COL17A1: variants seen among roughly 807,000 people sequenced by gnomAD.
COL17A1 encodes the protein collagen alpha-1(XVII) chain.
Under a neutral mutation model 218.4 loss-of-function variants are expected in COL17A1, and 181 were observed. That is an observed-to-expected ratio of 0.83 (90% CI 0.73 to 0.94). The LOEUF is 0.94. Ranked by LOEUF, COL17A1 falls within the 40% of genes least tolerant of loss-of-function variation. COL17A1 has a pLI of 0.00. For synonymous variants in COL17A1, 721 were observed against 731.0 expected, an observed-to-expected ratio of 0.99 and a Z score of 0.22; for missense variants, 1,924 against 1,945.9, an observed-to-expected ratio of 0.99 and a Z score of 0.21.
intron 39 of COL17A1, 81 bp from the exon 40 acceptor site, chr10:104,040,491 G>T (rs2086347480): frequency 1.2e-6 from 1 of 848,854 alleles, no homozygotes; most frequent in East Asian, 2.7e-5. Context: ...TGACAACATA[G>T]ATGCTCAATC....
chr10:104,043,203 C>T (rs11818635), intron 35 of COL17A1, among the ~76,000 whole-genome samples: 1 of 152,144 alleles, frequency 6.6e-6, no homozygotes, highest in Non-Finnish European at 1.5e-5. Flanking sequence ...TGGGCCAAAT[C>T]CTTTGTCCTG....
intron 12 of COL17A1, 113 bp from the exon 13 acceptor site, chr10:104,061,586 G>A: frequency 3.6e-6 from 3 of 837,442 alleles, no homozygotes; most frequent in Non-Finnish European, 5.9e-6. Context: ...AGAAGCAGAT[G>A]ATGAATCAAC....
At chr10:104,075,767 G>A (rs2086704804) in intron 5 of COL17A1, among the ~76,000 whole-genome samples, 1 of 152,196 alleles carries the variant, frequency 6.6e-6, no homozygotes, top group African/African-American at 2.4e-5. Flanking sequence ...CTTAAGCCCT[G>A]GGCTCTCCTG....
At chr10:104,042,065 T>C (rs1241841099) in intron 36 of COL17A1, among the ~76,000 whole-genome samples, 1 of 152,122 alleles carries the variant, frequency 6.6e-6, no homozygotes, top group Non-Finnish European at 1.5e-5. Flanking sequence ...GGCCCGGCAG[T>C]CTCCACCTGG....
intron 50 of COL17A1, among the ~76,000 whole-genome samples, chr10:104,035,031 C>G (rs913796543): frequency 6.6e-6 from 1 of 152,190 alleles, no homozygotes. Context: ...GGTGGAGCCC[C>G]AGGTCGGCCC....
chr10:104,041,315 G>A lies in COL17A1; in HGVS notation c.2635C>T (p.Arg879Ter), dbSNP rs757548746. 8 of 1,609,384 alleles carry A rather than the reference G, an allele frequency of 5.0e-6. No individual in the cohort carries two copies. The highest frequency in any genetic ancestry group is 4.5e-5 in the East Asian group (2 of 44,816). ...GPSIPGPPGP[R>*]GPPGEGLPGP... is the part of the protein sequence containing the mutation. ...GCTCGGCTCTCACCTGGTGGGCCTC[G>A]GGGTCCTGGTGGGCCTGGAATGGAA... Residue 879 changes from arginine (R) to a stop codon, truncating the protein, a stop_gained, in exon 38 of 56, where the codon CGA (arginine) becomes TGA (stop). Transcript: ENST00000648076. LOFTEE classifies it high-confidence loss of function.
chr10:104,034,092 AG>A lies in COL17A1; in HGVS notation c.4008del (p.Tyr1337MetfsTer42). The part of the protein sequence containing the change: ...AFGEAAGDRG[P>X]YGTDIGPGGG... ...CCGCCTGGGCCGATGTCAGTGCCAT[AG>A]GGACCCCTGTCTCCTGCAGCTTCAC... On this transcript the variant is annotated frameshift_variant, in exon 52 of 56. Coordinates refer to ENST00000648076, the MANE Select transcript of COL17A1 (RefSeq NM_000494.4). LOFTEE classifies it high-confidence loss of function. 6.2e-7 allele frequency: 1 copy of A among 1,614,096 alleles called. No homozygotes were observed. The highest frequency in any genetic ancestry group is 8.5e-7 in the Non-Finnish European group (1 of 1,180,024).
At chr10:104,052,556 G>A (rs922170381) in intron 23 of COL17A1, among the ~76,000 whole-genome samples, 4 of 152,162 alleles carry the variant, frequency 2.6e-5, no homozygotes, top group African/African-American at 9.7e-5. Context: ...CCTGACAAAA[G>A]CAGTCTCATA....
At chr10:104,049,669 G>T (rs2086448186) in intron 28 of COL17A1, among the ~76,000 whole-genome samples, 198 bp from the exon 29 acceptor site, 2 of 152,206 alleles carry the variant, frequency 1.3e-5, no homozygotes, top group Admixed American at 6.5e-5. Flanking sequence ...GCATGTGCAT[G>T]AGTCTTATTT....
chr10:104,084,653 T>C (rs1441083849), intron 1 of COL17A1, among the ~76,000 whole-genome samples: 10 of 152,146 alleles, frequency 6.6e-5, no homozygotes, highest in Non-Finnish European at 1.5e-4. Context: ...ACTTTAATTG[T>C]TCCTGTGTAA....
At chr10:104,084,804 G>A (rs976949011) in intron 1 of COL17A1, among the ~76,000 whole-genome samples, 13 of 152,166 alleles carry the variant, frequency 8.5e-5, no homozygotes, top group Non-Finnish European at 1.5e-4. Flanking sequence ...CTCTAAGAGA[G>A]AACATATGGA....
chr10:104,070,254 C>A (rs911699833), intron 9 of COL17A1, among the ~76,000 whole-genome samples, 172 bp downstream of exon 9: 1 of 152,152 alleles, frequency 6.6e-6, no homozygotes, highest in Non-Finnish European at 1.5e-5. Flanking sequence ...ATATCTATGC[C>A]CTAAAACAGG....
At chr10:104,046,436 T>C (rs1439639526) in intron 32 of COL17A1, among the ~76,000 whole-genome samples, 1 of 152,028 alleles carries the variant, frequency 6.6e-6, no homozygotes, top group African/African-American at 2.4e-5. Flanking sequence ...GACTAACAGC[T>C]CTCCTGGCTA....
chr10:104,034,782 G>C lies in COL17A1; in HGVS notation c.3620-15C>G, dbSNP rs1564670210. 3 of 1,610,870 alleles carry C rather than the reference G, an allele frequency of 1.9e-6. No homozygotes were observed. Among genetic ancestry groups the C allele is most frequent in the Admixed American group, 1.7e-5 (1 of 59,814 alleles). On this transcript the variant is annotated splice_polypyrimidine_tract_variant and intron_variant, in intron 50 of 55. Transcript: ENST00000648076. Reference sequence around the variant, plus strand: ...CAAGCCGGCAGCTGGGCAGAAGGAAGAGAAAGAAAGGTCGGGGTAGTGCTG... The same window carrying C: ...CAAGCCGGCAGCTGGGCAGAAGGAACAGAAAGAAAGGTCGGGGTAGTGCTG...
At position 104,055,443 on chromosome 10, in the gene COL17A1, G is replaced by GTCTC. The variant is rs201385541; in HGVS notation, c.1688-43_1688-42insGAGA. 290 of 843,424 alleles carry GTCTC rather than the reference G, an allele frequency of 3.4e-4. 3 individuals are homozygous for GTCTC. Among genetic ancestry groups the GTCTC allele is most frequent in the African/African-American group, 1.8e-3 (60 of 33,162 alleles). 52.2% of individuals were successfully genotyped at this position (843,424 alleles called of 1,614,324 possible). ...ATCCTGAGTCAGCTTCACATCTCCT[G>GTCTC]TCACACACACACACACACACACACA... On this transcript the variant is annotated intron_variant, in intron 18 of 55. Transcript: ENST00000648076.
chr10:104,036,017 G>A (rs1268320085), intron 48 of COL17A1, among the ~76,000 whole-genome samples: 1 of 137,436 alleles, frequency 7.3e-6, no homozygotes, highest in African/African-American at 2.8e-5. Flanking sequence ...AGTGTGTATG[G>A]GTGTGTCTGA....
At chr10:104,052,573 G>A (rs1217849113) in intron 23 of COL17A1, among the ~76,000 whole-genome samples, 2 of 152,176 alleles carry the variant, frequency 1.3e-5, no homozygotes, top group Non-Finnish European at 2.9e-5. Flanking sequence ...CATAGTTAAG[G>A]ATGGAATTGC....
chr10:104,064,556 A>C lies in COL17A1; in HGVS notation c.648T>G (p.Leu216=). ...TYDATILDAN[L]PSHVWSSTLP... is the part of the protein sequence containing the mutation. ...GGGTGGAGGACCACACATGGGAGGG[A>C]AGGTTGGCATCCAGGATCGTTGCAT... The change falls in exon 10 of 56, where the codon CTT becomes CTG. Residue 216 remains leucine (L), a synonymous_variant. Transcript: ENST00000648076. 6.2e-7 allele frequency: 1 copy of C among 1,613,962 alleles called. No individual in the cohort carries two copies. The highest frequency in any genetic ancestry group is 8.5e-7 in the Non-Finnish European group (1 of 1,179,962).
At position 104,047,945 on chromosome 10, in the gene COL17A1, T is replaced by G. The variant is rs576273433; in HGVS notation, c.2263+124A>C. On this transcript the variant is annotated intron_variant, in intron 30 of 55. Transcript: ENST00000648076. The stretch of plus-strand genomic sequence containing the variant: ...GTGGAAAGGAGAAGGGGAACAGAAC[T>G]GGACACTGCACACTTCCACATGCTA... 15 of 1,388,642 alleles carry G rather than the reference T, an allele frequency of 1.1e-5. No homozygotes were observed. In the East Asian group the frequency reaches 3.0e-4, roughly 27 times the overall value. The allele number at this position is 1,388,642 out of a possible 1,614,324, so 86.0% of individuals were successfully genotyped here.
Sources: gnomAD v4.1 joint callset for allele counts (sites outside exome capture counted in the v4.1 genomes callset) on GRCh38, gnomAD v4.1.1 for gene constraint, MANE v1.5 for transcripts, NCBI Gene and HGNC (gene_info 2026-07-23, HGNC 2026-07-21) for gene names.